KCNQ4: variants seen among roughly 807,000 people sequenced by gnomAD.
KCNQ4 encodes the protein potassium voltage-gated channel subfamily Q member 4.
In KCNQ4, 31 loss-of-function variants were observed where a neutral mutation model predicts 72.6. The ratio of observed to expected loss-of-function variants is 0.43; its 90% CI spans 0.32 to 0.58. The LOEUF (loss-of-function observed/expected upper bound fraction) is 0.58. Among genes scored for constraint, KCNQ4 ranks in the 20% least tolerant of loss-of-function variants. The probability of loss-of-function intolerance (pLI) is 0.08; values close to 1 mark genes in which losing one functional copy is unlikely to be tolerated. For missense variants in KCNQ4, 869 were observed against 962.6 expected, an observed-to-expected ratio of 0.90 and a Z score of 1.29; for synonymous variants, 405 against 403.7, an observed-to-expected ratio of 1.00 and a Z score of -0.04.
At position 40,784,497 on chromosome 1, in the gene KCNQ4, C is replaced by A; in HGVS notation, c.314+90C>A. 3.1e-6 allele frequency: 4 copies of A among 1,289,186 alleles called. No individual in the cohort carries two copies. The highest frequency in any genetic ancestry group is 4.4e-6 in the Non-Finnish European group (4 of 905,164). The allele number at this position is 1,289,186 out of a possible 1,614,324, so 79.9% of individuals were successfully genotyped here. A position where few individuals can be genotyped will look rare whatever the true frequency, so the allele number is the denominator to read the frequency against. On this transcript the variant is annotated intron_variant, in intron 1 of 13. Coordinates refer to ENST00000347132, the MANE Select transcript of KCNQ4 (RefSeq NM_004700.4). This position sits in a 1 kb window ranked among gnomAD's most constrained non-coding sequence, Gnocchi z 4.1. ...CGCCCCGCCCTGGCTCCGCCTTCTA[C>A]CCCCCTGCCTCAGGGCCGACCCTCA...
rs754819638 is a variant in KCNQ4, at chr1:40,820,158, C to G, written c.946-7C>G. Reference sequence around the variant, plus strand: ...CACATTCCCCCAACCATGCCCTATCCCTCTAGGGCATCCTAGGCTCCGGCT... The same window carrying G: ...CACATTCCCCCAACCATGCCCTATCGCTCTAGGGCATCCTAGGCTCCGGCT... On this transcript the variant is annotated splice_region_variant and splice_polypyrimidine_tract_variant and intron_variant, in intron 6 of 13. Transcript: ENST00000347132. 3 of 1,599,164 alleles carry G rather than the reference C, an allele frequency of 1.9e-6. No homozygotes were observed. Among genetic ancestry groups the G allele is most frequent in the East Asian group, 4.5e-5 (2 of 44,236 alleles).
At chr1:40,789,609 C>T (rs564098837) in intron 1 of KCNQ4, among the ~76,000 whole-genome samples, 7 of 152,066 alleles carry the variant, frequency 4.6e-5, no homozygotes, top group Admixed American at 1.3e-4. Context: ...TCACTGGAGC[C>T]GGTTCGATCT....
rs1163028420 is a variant in KCNQ4, at chr1:40,815,519, A to T, written c.315-1746A>T. 2.6e-5 allele frequency among the ~76,000 whole-genome samples: 4 copies of T among 152,020 alleles called. No individual in the cohort carries two copies. In the East Asian group the frequency reaches 7.7e-4, roughly 29 times the overall value. The stretch of plus-strand genomic sequence containing the variant: ...ACATGTGGCCGCTGCCTTTTTTGTG[A>T]TTAATTATTGAACATGAGGAGCTGG... On this transcript the variant is annotated intron_variant, in intron 1 of 13. Coordinates refer to ENST00000347132, the MANE Select transcript of KCNQ4 (RefSeq NM_004700.4).
intron 8 of KCNQ4, among the ~76,000 whole-genome samples, chr1:40,823,239 A>C (rs1248448951): frequency 6.6e-6 from 1 of 152,166 alleles, no homozygotes; most frequent in African/African-American, 2.4e-5. Flanking sequence ...AGCAGGAGAG[A>C]AGGGGCCGGG....
chr1:40,784,293 C>T lies in KCNQ4; in HGVS notation c.200C>T (p.Ser67Phe). ...PLPGPGSGSG[S>F]ACGQRSSAAH... ...CCTGGGCCGGGCTCCGGCTCGGGCT[C>T]CGCCTGCGGCCAGCGCTCCTCGGCC... The change falls in exon 1 of 14, where the codon TCC becomes TTC. Residue 67 changes from serine to phenylalanine, a missense_variant. By Grantham distance (155) the Ser-to-Phe change is radical. This residue lies in a region of KCNQ4 where 178 missense variants were observed against 145.3 expected (regional missense o/e 1.22). Coordinates refer to ENST00000347132, the MANE Select transcript of KCNQ4 (RefSeq NM_004700.4). This position sits in a 1 kb window ranked among gnomAD's most constrained non-coding sequence, Gnocchi z 4.1. The T allele has an allele frequency of 6.3e-7, 1 of 1,585,972 alleles. No individual in the cohort carries two copies. Among genetic ancestry groups the T allele is most frequent in the Middle Eastern group, 1.7e-4 (1 of 5,890 alleles).
chr1:40,818,835 A>T, intron 4 of KCNQ4, 155 bp downstream of exon 4: 27 of 743,742 alleles, frequency 3.6e-5, no homozygotes, highest in African/African-American at 6.5e-5. Context: ...GCGAGGTCTA[A>T]GCGGGTGGGG....
chr1:40,807,576 C>G (rs748779801), intron 1 of KCNQ4, among the ~76,000 whole-genome samples: 3 of 152,220 alleles, frequency 2.0e-5, no homozygotes, highest in African/African-American at 4.8e-5. Context: ...TGCCCCTCCC[C>G]TTATTCCCCT....
chr1:40,830,503 C>T (rs1648605889), intron 9 of KCNQ4, among the ~76,000 whole-genome samples: 3 of 152,152 alleles, frequency 2.0e-5, no homozygotes, highest in Non-Finnish European at 4.4e-5. Flanking sequence ...TGTAAACACA[C>T]GCCAACATAT....
Position 40,838,302 on chromosome 1 carries a change from C to T in KCNQ4, c.1876-9C>T, listed in dbSNP as rs1178545542. 1.9e-6 allele frequency: 3 copies of T among 1,612,568 alleles called. No homozygotes were observed. The East Asian group carries it at 6.7e-5, about 36-fold the overall frequency. ...CAGGCCCTGCTTCCCAGCTGCGCCC[C>T]GTCCCCAGGTGCAGTCCATCGAGCA... On this transcript the variant is annotated splice_polypyrimidine_tract_variant and intron_variant, in intron 13 of 13. Transcript: ENST00000347132.
In KCNQ4 at chr1:40,784,240, C is replaced by T; in HGVS notation, c.147C>T (p.Gly49=). 1.5e-6 allele frequency: 2 copies of T among 1,347,396 alleles called. No homozygotes were observed. The highest frequency in any genetic ancestry group is 4.0e-5 in the Admixed American group (1 of 25,168). The allele number at this position is 1,347,396 out of a possible 1,614,324, so 83.5% of individuals were successfully genotyped here. The change falls in exon 1 of 14, where the codon GGC becomes GGT. Residue 49 remains glycine, a synonymous_variant. Coordinates refer to ENST00000347132, the MANE Select transcript of KCNQ4 (RefSeq NM_004700.4). This position sits in a 1 kb window ranked among gnomAD's most constrained non-coding sequence, Gnocchi z 4.1. ...CCCCGCGCCGCCTCGGCCTCCTGGG[C>T]AGCCCCCTGCCGCCGGGCGCGCCCC... is the stretch of plus-strand genomic sequence containing the variant. ...GGSPRRLGLL[G]SPLPPGAPLP...
intron 9 of KCNQ4, among the ~76,000 whole-genome samples, chr1:40,829,722 G>T (rs969986792): frequency 6.6e-6 from 1 of 152,180 alleles, no homozygotes; most frequent in Non-Finnish European, 1.5e-5. Flanking sequence ...CTCCTCTAAG[G>T]CTGGCTGGTA....
intron 11 of KCNQ4, 88 bp downstream of exon 11, chr1:40,833,201 G>C (rs1425681892): frequency 3.2e-6 from 3 of 939,814 alleles, no homozygotes; most frequent in Non-Finnish European, 5.0e-6. Context: ...TTGAGGTCAG[G>C]AGTTTGAGAC....
Position 40,817,483 on chromosome 1 carries a change from G to A in KCNQ4, c.405+128G>A. On this transcript the variant is annotated intron_variant, in intron 2 of 13. Coordinates refer to ENST00000347132, the MANE Select transcript of KCNQ4 (RefSeq NM_004700.4). The surrounding 1 kb of genome is among the most constrained non-coding windows in gnomAD (Gnocchi z 5.5). ...TGGGAGTCCGGGACTGAAGGGGGCT[G>A]TGTGAGGTAGCACCTCTGGGCTGGG... is the stretch of plus-strand genomic sequence containing the variant. 1.5e-6 allele frequency: 1 copy of A among 653,194 alleles called. No individual in the cohort carries two copies. Among genetic ancestry groups the A allele is most frequent in the Non-Finnish European group, 2.7e-6 (1 of 376,106 alleles). 40.5% of individuals were successfully genotyped at this position (653,194 alleles called of 1,614,324 possible).
chr1:40,824,652 G>A (rs1278627035), intron 9 of KCNQ4, among the ~76,000 whole-genome samples: 1 of 152,194 alleles, frequency 6.6e-6, no homozygotes, highest in Non-Finnish European at 1.5e-5. Flanking sequence ...TACGGCTCAG[G>A]TAATCGTGGG....
chr1:40,784,420 C>T lies in KCNQ4; in HGVS notation c.314+13C>T. The T allele has an allele frequency of 6.2e-7, 1 of 1,605,754 alleles. No homozygotes were observed. The highest frequency in any genetic ancestry group is 8.5e-7 in the Non-Finnish European group (1 of 1,178,138). On this transcript the variant is annotated intron_variant, in intron 1 of 13. Coordinates refer to ENST00000347132, the MANE Select transcript of KCNQ4 (RefSeq NM_004700.4). This position sits in a 1 kb window ranked among gnomAD's most constrained non-coding sequence, Gnocchi z 4.1. ...ACCACGTCTTCATGTGAGTTTGCGA[C>T]CCCGCGCCCTTCCGCGTTTCCCCGC...
rs1234099873 is a variant in KCNQ4 at position 40,784,399 on chromosome 1, C to T, written c.306C>T (p.His102=). 2.5e-6 allele frequency: 4 copies of T among 1,608,764 alleles called. No homozygotes were observed. The highest frequency in any genetic ancestry group is 2.2e-5 in the East Asian group (1 of 44,782). ...CCCGCGGCTGGGCCTTCGTCTACCACGTCTTCATGTGAGTTTGCGACCCCG... is the reference window on the plus strand; with the variant it reads ...CCCGCGGCTGGGCCTTCGTCTACCATGTCTTCATGTGAGTTTGCGACCCCG... The part of the protein sequence containing the change: ...ERPRGWAFVY[H]VFIFLLVFSC... The change falls in exon 1 of 14, where the codon CAC becomes CAT. Residue 102 remains histidine, a synonymous_variant. Transcript: ENST00000347132. The surrounding 1 kb of genome is among the most constrained non-coding windows in gnomAD (Gnocchi z 4.1).
Position 40,796,868 on chromosome 1 carries a change from A to T in KCNQ4, c.314+12461A>T, listed in dbSNP as rs561362686. ...GGGAGGTAGAGGTTGCAGTGAGCCG[A>T]GATCGTGCCACTGCACTCCAGCCTG... On this transcript the variant is annotated intron_variant, in intron 1 of 13. Coordinates refer to ENST00000347132, the MANE Select transcript of KCNQ4 (RefSeq NM_004700.4). Among the ~76,000 whole-genome samples the T allele has an allele frequency of 2.1e-4, 32 of 152,242 alleles. No homozygotes were observed. The East Asian group carries it at 6.2e-3, about 29-fold the overall frequency.
intron 7 of KCNQ4, among the ~76,000 whole-genome samples, chr1:40,820,471 G>A (rs1405217008): frequency 6.6e-6 from 1 of 152,178 alleles, no homozygotes; most frequent in African/African-American, 2.4e-5. Context: ...TGCACCAAAT[G>A]CCTGGTTTAG....
chr1:40,834,837 A>G, intron 11 of KCNQ4, 130 bp from the exon 12 acceptor site: 1 of 1,226,970 alleles, frequency 8.2e-7, no homozygotes, highest in Non-Finnish European at 1.2e-6. Flanking sequence ...GACGCAGCAG[A>G]GGCTGTTCAT....
Sources: gnomAD v4.1 joint callset for allele counts (sites outside exome capture counted in the v4.1 genomes callset) on GRCh38, gnomAD v4.1.1 for gene constraint, gnomAD v4.1.1 regional missense constraint, Gnocchi (gnomAD v3.1) non-coding constraint, MANE v1.5 for transcripts, NCBI Gene and HGNC (gene_info 2026-07-23, HGNC 2026-07-21) for gene names.